The following AGMO variants were observed in gnomAD, a reference collection of about 807,000 sequenced individuals.
AGMO encodes alkylglycerol monooxygenase, also known as glyceryl-ether monooxygenase.
Under a neutral mutation model 60.2 loss-of-function variants are expected in AGMO, and 75 were observed. The observed-to-expected ratio is 1.25, with a 90% CI of 1.03 to 1.51. The LOEUF (loss-of-function observed/expected upper bound fraction) is 1.51. Among genes scored for constraint, AGMO ranks in the 40% most tolerant of loss-of-function variants. The probability of loss-of-function intolerance (pLI) is 0.00; values close to 1 mark genes in which losing one functional copy is unlikely to be tolerated. For missense variants in AGMO, 763 were observed against 525.5 expected (o/e 1.45, Z -4.42); for synonymous variants, 261 against 177.1 (o/e 1.47, Z -3.76).
At chr7:15,273,497 C>T (rs1783680105) in intron 12 of AGMO, among the ~76,000 whole-genome samples, 1 of 152,142 alleles carries the variant, frequency 6.6e-6, no homozygotes, top group African/African-American at 2.4e-5. Flanking sequence ...GTTTTGGTAC[C>T]AGTACCATGC....
At chr7:15,136,150 C>T in the AGMO span, among the ~76,000 whole-genome samples, 133 of 151,910 alleles carry the variant, frequency 8.8e-4, no homozygotes, top group Middle Eastern at 3.4e-3. Flanking sequence ...TGTGCCACCA[C>T]GCCAGGCTAA....
chr7:15,176,470 T>TTTA, the AGMO span, among the ~76,000 whole-genome samples: 1 of 151,942 alleles, frequency 6.6e-6, no homozygotes, highest in Admixed American at 6.6e-5. Flanking sequence ...GACAGGAAGT[T>TTTA]TTATTATTCA....
chr7:15,354,339 T>C (rs75803779), intron 12 of AGMO, among the ~76,000 whole-genome samples: 9,252 of 70,292 alleles, frequency 0.13, 1,728 homozygotes, highest in Non-Finnish European at 0.14. Flanking sequence ...CGCGTGTATA[T>C]ACACGCGTGT....
At chr7:15,414,629 G>A (rs10263019) in intron 5 of AGMO, among the ~76,000 whole-genome samples, 14,768 of 151,778 alleles carry the variant, frequency 0.097, 851 homozygotes, top group South Asian at 0.15. Flanking sequence ...AAAAAAAATA[G>A]CACAAATATA....
At chr7:15,555,475 T>G (rs896981054) in intron 2 of AGMO, among the ~76,000 whole-genome samples, 3 of 151,818 alleles carry the variant, frequency 2.0e-5, no homozygotes, top group Admixed American at 6.6e-5. Context: ...TCTAGTGGAA[T>G]ATTGATTTTT....
chr7:15,340,859 G>A (rs1781822775), intron 12 of AGMO, among the ~76,000 whole-genome samples: 1 of 152,170 alleles, frequency 6.6e-6, no homozygotes. Context: ...ACTGCCTAGT[G>A]GAGCTGTGAG....
chr7:15,190,362 C>G, the AGMO span, among the ~76,000 whole-genome samples: 5 of 151,552 alleles, frequency 3.3e-5, no homozygotes, highest in Admixed American at 3.3e-4. Context: ...AGCAGGTTAT[C>G]AACTAGTAAG....
At chr7:15,435,331 AG>A (rs1197037673) in intron 3 of AGMO, among the ~76,000 whole-genome samples, 7 of 140,878 alleles carry the variant, frequency 5.0e-5, no homozygotes, top group Non-Finnish European at 1.1e-4. Flanking sequence ...TTTTTTTATT[AG>A]TACCAGCAGT....
chr7:15,292,010 G>T (rs999125826), intron 12 of AGMO, among the ~76,000 whole-genome samples: 1 of 152,118 alleles, frequency 6.6e-6, no homozygotes, highest in Non-Finnish European at 1.5e-5. Context: ...GCCAATAAAA[G>T]AAATGCATTA....
chr7:15,123,235 C>T, the AGMO span, among the ~76,000 whole-genome samples: 2 of 152,182 alleles, frequency 1.3e-5, no homozygotes, highest in South Asian at 4.1e-4. Flanking sequence ...TTCAACAGCT[C>T]ACCCCTGAAA....
intron 12 of AGMO, among the ~76,000 whole-genome samples, chr7:15,295,100 T>C (rs1333194374): frequency 6.6e-6 from 1 of 151,848 alleles, no homozygotes; most frequent in African/African-American, 2.4e-5. Context: ...GAGGAACAGT[T>C]AATAAAAACA....
intron 3 of AGMO, among the ~76,000 whole-genome samples, chr7:15,501,576 C>A (rs953368866): frequency 2.6e-5 from 4 of 151,718 alleles, no homozygotes; most frequent in Admixed American, 2.6e-4. Context: ...CATTATTATG[C>A]CCTACAGAGG....
At chr7:15,524,219 C>T (rs1554282476) in intron 3 of AGMO, among the ~76,000 whole-genome samples, 1 of 150,810 alleles carries the variant, frequency 6.6e-6, no homozygotes, top group Non-Finnish European at 1.5e-5. Flanking sequence ...ATTATATATA[C>T]TTTTTTTTTA....
chr7:15,213,687 T>C (rs567748015), intron 12 of AGMO, among the ~76,000 whole-genome samples: 1 of 151,826 alleles, frequency 6.6e-6, no homozygotes, highest in African/African-American at 2.4e-5. Context: ...AGATTCCTGA[T>C]CTCCTCGATG....
At chr7:15,352,930 G>A (rs1782306239) in intron 12 of AGMO, among the ~76,000 whole-genome samples, 3 of 152,116 alleles carry the variant, frequency 2.0e-5, no homozygotes, top group Middle Eastern at 6.8e-3. Flanking sequence ...ACTTTCATTT[G>A]GGGCATATAT....
chr7:15,449,659 G>C (rs1583564348), intron 3 of AGMO, among the ~76,000 whole-genome samples: 2 of 152,116 alleles, frequency 1.3e-5, no homozygotes, highest in Non-Finnish European at 2.9e-5. Flanking sequence ...TATGAGGTTT[G>C]CATAGCAGAA....
At chr7:15,147,469 A>G in the AGMO span, among the ~76,000 whole-genome samples, 1 of 151,982 alleles carries the variant, frequency 6.6e-6, no homozygotes. Flanking sequence ...TGTGAGACTT[A>G]TTCACTATCC....
intron 5 of AGMO, among the ~76,000 whole-genome samples, chr7:15,413,238 A>T (rs1208158914): frequency 6.6e-6 from 1 of 152,204 alleles, no homozygotes; most frequent in Non-Finnish European, 1.5e-5. Flanking sequence ...TGGAGAAAGT[A>T]GGTAAAAGAT....
intron 5 of AGMO, among the ~76,000 whole-genome samples, chr7:15,399,768 C>G (rs1251046201): frequency 2.6e-5 from 4 of 152,132 alleles, no homozygotes; most frequent in African/African-American, 9.6e-5. Context: ...TGTCATTTCC[C>G]CTGACCAAAA....
Sources: allele counts gnomAD v4.1 joint callset (sites outside exome capture counted in the v4.1 genomes callset), GRCh38; gene constraint gnomAD v4.1.1; transcripts MANE v1.5; gene names NCBI Gene and HGNC (gene_info 2026-07-23, HGNC 2026-07-21).